The following ZBTB48 variants were observed in gnomAD, a reference collection of about 807,000 sequenced individuals.
ZBTB48 encodes zinc finger and BTB domain containing 48.
A neutral mutation model predicts 64.5 loss-of-function variants in ZBTB48; 35 were observed. That is an observed-to-expected ratio of 0.54 (90% CI 0.41 to 0.72). ZBTB48 has a LOEUF of 0.72. ZBTB48 is among the 30% of genes least tolerant of loss of function. ZBTB48 has a pLI of 0.00. For synonymous variants in ZBTB48, 442 were observed against 356.7 expected, an observed-to-expected ratio of 1.24 and a Z score of -2.70; for missense variants, 828 against 895.3, an observed-to-expected ratio of 0.92 and a Z score of 0.96.
Position 6,586,728 on chromosome 1 carries a change from C to A in ZBTB48, c.1078C>A (p.Arg360Ser). The A allele has an allele frequency of 6.3e-7, 1 of 1,578,812 alleles. No homozygotes were observed. The highest frequency in any genetic ancestry group is 8.6e-7 in the Non-Finnish European group (1 of 1,161,128). The change falls in exon 5 of 11, where the codon CGC (arginine) becomes AGC (serine). Residue 360 changes from arginine to serine, a missense_variant. By Grantham distance (110) the Arg-to-Ser change is moderately radical. Transcript: ENST00000377674. ...GTGCTCTGTGTGCCAGGAGACATTCCGCCGAAGGATGGAGCTGCGGGTGCA... is the reference window on the plus strand; with the variant it reads ...GTGCTCTGTGTGCCAGGAGACATTCAGCCGAAGGATGGAGCTGCGGGTGCA... ...FTCSVCQETF[R>S]RRMELRVHMV...
chr1:6,586,667 C>T (rs768293849), intron 4 of ZBTB48, 28 bp from the exon 5 acceptor site: 33 of 1,519,376 alleles, frequency 2.2e-5, no homozygotes, highest in Non-Finnish European at 2.5e-5. Flanking sequence ...CCGCTGATGC[C>T]GGCCCTGCTT....
chr1:6,588,479 A>T, intron 9 of ZBTB48, 37 bp downstream of exon 9: 1 of 1,475,088 alleles, frequency 6.8e-7, no homozygotes, highest in Non-Finnish European at 9.0e-7. Flanking sequence ...TTTCCTGCTC[A>T]TCCGAGTTGG....
At position 6,581,155 on chromosome 1, in the gene ZBTB48, G is replaced by C. The variant is rs746817058; in HGVS notation, c.546G>C (p.Gln182His). The C allele has an allele frequency of 6.2e-7, 1 of 1,613,504 alleles. No homozygotes were observed. Among genetic ancestry groups the C allele is most frequent in the Non-Finnish European group, 8.5e-7 (1 of 1,180,026 alleles). The change falls in exon 2 of 11, where the codon CAG becomes CAC. Residue 182 changes from glutamine (Q) to histidine (H), a missense_variant. Physicochemically the swap from Gln to His is conservative, Grantham distance 24 (BLOSUM62 0). Transcript: ENST00000377674. ...GGCCCCAGCTCCATTCCCCAGCTCA[G>C]AGTGAGGGCCCCTCCTCCCTCTGTG... is the stretch of plus-strand genomic sequence containing the variant. ...PQRPQLHSPAQSEGPSSLCGK... is the reference protein window; with the variant it reads ...PQRPQLHSPAHSEGPSSLCGK...
In ZBTB48 at chr1:6,582,058, T is replaced by TGG. The variant is rs779562009; in HGVS notation, c.693_694dup (p.Glu232GlyfsTer23). 6.2e-7 allele frequency: 1 copy of TGG among 1,613,698 alleles called. No homozygotes were observed. Among genetic ancestry groups the TGG allele is most frequent in the Non-Finnish European group, 8.5e-7 (1 of 1,179,672 alleles). ...CCTCCTGCTGCCTATTGTGCTCTAG[T>TGG]GGGAAGTGGTGGTTCAAGTGGAGGA... On this transcript the variant is annotated frameshift_variant and splice_region_variant, in exon 3 of 11. Transcript: ENST00000377674. LOFTEE classifies it high-confidence loss of function.
At chr1:6,585,617 G>A (rs773620186) in intron 3 of ZBTB48, 15 of 362,256 alleles carry the variant, frequency 4.1e-5, no homozygotes, top group Non-Finnish European at 7.9e-5. Context: ...TTCTCCAATA[G>A]TCAGGACCCA....
Position 6,587,305 on chromosome 1 carries a change from A to G in ZBTB48, c.1224+14A>G, listed in dbSNP as rs768282578. On this transcript the variant is annotated intron_variant, in intron 6 of 10. Transcript: ENST00000377674. ...AAGCCCCATGCAGTAAGTGACAGGG[A>G]GGGCTGGGCATGCTTTGATGCTGGC... 23 of 1,613,886 alleles carry G rather than the reference A, an allele frequency of 1.4e-5. No individual in the cohort carries two copies. Among genetic ancestry groups the G allele is most frequent in the East Asian group, 6.7e-5 (3 of 44,876 alleles).
In ZBTB48 at chr1:6,581,248, C is replaced by T; in HGVS notation, c.639C>T (p.Pro213=). The change falls in exon 2 of 11, where the codon CCC becomes CCT. Residue 213 remains proline, a synonymous_variant. Coordinates refer to ENST00000377674, the MANE Select transcript of ZBTB48 (RefSeq NM_005341.4). The part of the protein sequence containing the change: ...EDKKPEDCKV[P]PRPLEAEGAQ... ...AGAAACCCGAGGACTGCAAAGTGCC[C>T]CCAAGGCCCTTAGAGGCTGAAGGTG... 6.2e-7 allele frequency: 1 copy of T among 1,612,068 alleles called. No homozygotes were observed. Among genetic ancestry groups the T allele is most frequent in the Non-Finnish European group, 8.5e-7 (1 of 1,179,602 alleles).
At chr1:6,585,707 CCT>C in intron 3 of ZBTB48, 1 of 574,852 alleles carries the variant, frequency 1.7e-6, no homozygotes, top group Non-Finnish European at 3.1e-6. Flanking sequence ...TCCATGGCAG[CCT>C]CTTAGGACCT....
intron 7 of ZBTB48, among the ~76,000 whole-genome samples, 156 bp from the exon 8 acceptor site, chr1:6,587,904 G>A (rs1313569768): frequency 6.6e-6 from 1 of 152,178 alleles, no homozygotes; most frequent in Admixed American, 6.5e-5. Context: ...TGTGACTCCT[G>A]CTCATAGATT....
Position 6,580,748 on chromosome 1 carries a change from T to C in ZBTB48, c.139T>C (p.Cys47Arg), listed in dbSNP as rs1228505909. The change falls in exon 2 of 11, where the codon TGC (cysteine) becomes CGC (arginine). Residue 47 changes from cysteine (C) to arginine (R), a missense_variant. By Grantham distance (180) the Cys-to-Arg change is radical (BLOSUM62 -3). Transcript: ENST00000377674. This position sits in a 1 kb window ranked among gnomAD's most constrained non-coding sequence, Gnocchi z 5.2. ...FKAHWSVLAC[C>R]SHFFQSLYGD... is the part of the protein sequence containing the mutation. ...GGCACACTGGAGTGTCCTTGCCTGC[T>C]GCAGTCACTTTTTCCAGAGCCTCTA... 1 of 1,614,234 alleles carries C rather than the reference T, an allele frequency of 6.2e-7. No individual in the cohort carries two copies. Among genetic ancestry groups the C allele is most frequent in the South Asian group, 1.1e-5 (1 of 91,088 alleles).
intron 9 of ZBTB48, 63 bp downstream of exon 9, chr1:6,588,505 G>GA: frequency 6.9e-7 from 1 of 1,457,754 alleles, no homozygotes; most frequent in Non-Finnish European, 9.0e-7. Flanking sequence ...CTCTGAGGAG[G>GA]AAACGCTCCT....
chr1:6,582,003 C>T (rs1640486807), intron 2 of ZBTB48, 55 bp from the exon 3 acceptor site: 2 of 1,601,866 alleles, frequency 1.2e-6, no homozygotes, highest in Admixed American at 1.7e-5. Flanking sequence ...GTCCCTACAA[C>T]TCCTGCTGAT....
intron 4 of ZBTB48, chr1:6,586,483 G>C (rs568199404): frequency 1.8e-5 from 19 of 1,062,340 alleles, no homozygotes; most frequent in African/African-American, 1.8e-4. Flanking sequence ...CCCCCAGTCT[G>C]TCTGGGCCTG....
rs199533475 is a variant in ZBTB48 at position 6,588,781 on chromosome 1, C to G, written c.1707C>G (p.Val569=). 1 of 1,614,120 alleles carries G rather than the reference C, an allele frequency of 6.2e-7. No homozygotes were observed. The highest frequency in any genetic ancestry group is 1.1e-5 in the South Asian group (1 of 91,082). The change falls in exon 10 of 11, where the codon GTC becomes GTG. Residue 569 remains valine (V), a synonymous_variant. Transcript: ENST00000377674. ...FKAVEQLRVH[V]RRHKGVRKFE... is the part of the protein sequence containing the mutation. The stretch of plus-strand genomic sequence containing the variant: ...CCGTGGAGCAACTGCGTGTGCACGT[C>G]AGACGGCACAAGGGGGTGAGGAAGT...
chr1:6,589,098 G>A lies in ZBTB48; in HGVS notation c.1953G>A (p.Leu651=), dbSNP rs567260142. The A allele has an allele frequency of 1.2e-6, 2 of 1,608,514 alleles. No homozygotes were observed. The highest frequency in any genetic ancestry group is 2.2e-5 in the South Asian group (2 of 90,558). The stretch of plus-strand genomic sequence containing the variant: ...TGGAGTCCCTGGCCCAGGGCGGCCT[G>A]GCCTCCCAGCTCCCCGGCCAGAGAC... ...VIVESLAQGG[L]ASQLPGQRLC... Residue 651 remains leucine, a synonymous_variant, in exon 11 of 11, where the codon CTG becomes CTA. Coordinates refer to ENST00000377674, the MANE Select transcript of ZBTB48 (RefSeq NM_005341.4).
rs1326810411 is a variant in ZBTB48 at position 6,580,871 on chromosome 1, A to C, written c.262A>C (p.Thr88Pro). ...TTTCTACACTGGTCACCTCGCTCTC[A>C]CCTCAGGGAACCGGGATCAGGTGCT... ...DFFYTGHLALTSGNRDQVLLA... is the reference protein window; with the variant it reads ...DFFYTGHLALPSGNRDQVLLA... The change falls in exon 2 of 11, where the codon ACC (threonine) becomes CCC (proline). Residue 88 changes from threonine (T) to proline (P), a missense_variant. Coordinates refer to ENST00000377674, the MANE Select transcript of ZBTB48 (RefSeq NM_005341.4). The surrounding 1 kb of genome is among the most constrained non-coding windows in gnomAD (Gnocchi z 5.2). 8.7e-6 allele frequency: 14 copies of C among 1,613,918 alleles called. No homozygotes were observed. Among genetic ancestry groups the C allele is most frequent in the Non-Finnish European group, 1.1e-5 (13 of 1,180,032 alleles).
intron 2 of ZBTB48, 128 bp downstream of exon 2, chr1:6,581,427 C>A: frequency 6.6e-6 from 7 of 1,066,516 alleles, no homozygotes; most frequent in Non-Finnish European, 9.1e-6. Flanking sequence ...TTTGGGAGGC[C>A]AAGGGGGGTG....
chr1:6,584,586 T>C lies in ZBTB48; in HGVS notation c.933-1333T>C, dbSNP rs892935392. Among the ~76,000 whole-genome samples the C allele has an allele frequency of 1.5e-4, 23 of 152,248 alleles. 1 individual carries two copies. Among genetic ancestry groups the C allele is most frequent in the Non-Finnish European group, 1.5e-5 (1 of 68,024 alleles). ...TGTGCACCGTGTTCAGGGCAGCTGC[T>C]GCCAGTGGAATGCTGGGATAACCCC... is the stretch of plus-strand genomic sequence containing the variant. On this transcript the variant is annotated intron_variant, in intron 3 of 10. Transcript: ENST00000377674. This position sits in a 1 kb window ranked among gnomAD's most constrained non-coding sequence, Gnocchi z 4.5.
In ZBTB48 at chr1:6,580,509, G is replaced by A. The variant is rs967923279; in HGVS notation, c.-69-32G>A. On this transcript the variant is annotated intron_variant, in intron 1 of 10. Coordinates refer to ENST00000377674, the MANE Select transcript of ZBTB48 (RefSeq NM_005341.4). The surrounding 1 kb of genome is among the most constrained non-coding windows in gnomAD (Gnocchi z 5.2). Reference sequence around the variant, plus strand: ...GATAAATATGATTATTTGAGTAGAGGCCAACTTCCCGTTTCTCTCTCTTGA... The same window carrying A: ...GATAAATATGATTATTTGAGTAGAGACCAACTTCCCGTTTCTCTCTCTTGA... The A allele has an allele frequency of 3.9e-6, 5 of 1,268,338 alleles. No homozygotes were observed. The highest frequency in any genetic ancestry group is 4.4e-6 in the Non-Finnish European group (4 of 918,476). 78.6% of individuals were successfully genotyped at this position (1,268,338 alleles called of 1,614,324 possible).
Sources: gnomAD v4.1 joint callset for allele counts (sites outside exome capture counted in the v4.1 genomes callset) on GRCh38, gnomAD v4.1.1 for gene constraint, Gnocchi (gnomAD v3.1) non-coding constraint, MANE v1.5 for transcripts, NCBI Gene and HGNC (gene_info 2026-07-23, HGNC 2026-07-21) for gene names.